The following MGAT4C variants were observed in gnomAD, a reference collection of about 807,000 sequenced individuals.
The protein encoded by MGAT4C is alpha-1,3-mannosyl-glycoprotein 4-beta-N-acetylglucosaminyltransferase C.
Under a neutral mutation model 40.1 loss-of-function variants are expected in MGAT4C, and 19 were observed. The observed-to-expected ratio is 0.47, with a 90% CI of 0.33 to 0.70. MGAT4C has a LOEUF of 0.70. Ranked by LOEUF, MGAT4C falls within the 30% of genes least tolerant of loss-of-function variation. The pLI is 0.02. For synonymous variants in MGAT4C, 181 were observed against 187.1 expected (o/e 0.97, Z 0.27); for missense variants, 491 against 563.2 (o/e 0.87, Z 1.30).
In MGAT4C at chr12:86,009,457, G is replaced by A. The variant is rs1888234262; in HGVS notation, c.-6-19905C>T. Reference sequence around the variant, plus strand: ...TATCTGCTTGTGAATTACAGCCACTGCAGAATCCAAATATCTTAGCTATGT... The same window carrying A: ...TATCTGCTTGTGAATTACAGCCACTACAGAATCCAAATATCTTAGCTATGT... On this transcript the variant is annotated intron_variant, in intron 2 of 4. Coordinates refer to ENST00000611864, the MANE Select transcript of MGAT4C (RefSeq NM_001351288.2). Among the ~76,000 whole-genome samples, 3 of 152,110 alleles carry A rather than the reference G, an allele frequency of 2.0e-5. No homozygotes were observed. In the South Asian group the frequency reaches 6.2e-4, roughly 32 times the overall value.
chr12:86,202,235 G>A (rs555931876), intron 1 of MGAT4C, among the ~76,000 whole-genome samples: 36 of 152,134 alleles, frequency 2.4e-4, no homozygotes, highest in Middle Eastern at 6.8e-3. Context: ...TACATATGAT[G>A]TTAGTTCTAG....
chr12:86,111,451 T>C (rs1446015882), intron 1 of MGAT4C, among the ~76,000 whole-genome samples: 1 of 151,858 alleles, frequency 6.6e-6, no homozygotes, highest in Non-Finnish European at 1.5e-5. Context: ...ATGTTTGAAG[T>C]TATATAAATT....
intron 3 of MGAT4C, among the ~76,000 whole-genome samples, chr12:86,354,193 G>T (rs1376022278): frequency 6.6e-6 from 1 of 151,978 alleles, no homozygotes; most frequent in African/African-American, 2.4e-5. Context: ...ATAGAAGTTG[G>T]GTCATATCAT....
intron 2 of MGAT4C, chr12:86,013,691 C>A: frequency 2.0e-6 from 2 of 981,016 alleles, no homozygotes; most frequent in African/African-American, 3.5e-5. Context: ...CTGAATTTTA[C>A]CTACTGTTTA....
At chr12:86,724,237 C>T (rs548431840) in intron 2 of MGAT4C, among the ~76,000 whole-genome samples, 12 of 152,208 alleles carry the variant, frequency 7.9e-5, no homozygotes, top group African/African-American at 2.6e-4. Context: ...CCCAATGATT[C>T]TTTTAAATTC....
chr12:86,332,453 CAA>C (rs1954691333), intron 4 of MGAT4C, among the ~76,000 whole-genome samples: 1 of 151,758 alleles, frequency 6.6e-6, no homozygotes, highest in South Asian at 2.1e-4. Context: ...CCAAATCTCT[CAA>C]GTCACTCAAG....
At chr12:86,101,898 A>T (rs1875145324) in intron 1 of MGAT4C, among the ~76,000 whole-genome samples, 1 of 151,940 alleles carries the variant, frequency 6.6e-6, no homozygotes, top group Non-Finnish European at 1.5e-5. Flanking sequence ...TTAAATTCCC[A>T]AGTTGAAAAC....
intron 1 of MGAT4C, among the ~76,000 whole-genome samples, chr12:86,727,443 A>G (rs746205838): frequency 1.6e-4 from 24 of 152,120 alleles, no homozygotes; most frequent in Non-Finnish European, 2.9e-4. Context: ...TATAAACATT[A>G]TTTAAAGATG....
chr12:86,741,083 T>C (rs1012518856), intron 1 of MGAT4C, among the ~76,000 whole-genome samples: 2 of 151,046 alleles, frequency 1.3e-5, no homozygotes, highest in African/African-American at 4.8e-5. Flanking sequence ...CTCCCGCTTG[T>C]AAGTGAGAAC....
At chr12:86,339,742 A>G (rs1175244562) in intron 3 of MGAT4C, among the ~76,000 whole-genome samples, 1 of 152,160 alleles carries the variant, frequency 6.6e-6, no homozygotes, top group Non-Finnish European at 1.5e-5. Flanking sequence ...ACACATGCAC[A>G]CACACACACA....
At chr12:86,593,404 C>A (rs1406885605) in intron 2 of MGAT4C, among the ~76,000 whole-genome samples, 1 of 151,914 alleles carries the variant, frequency 6.6e-6, no homozygotes, top group Non-Finnish European at 1.5e-5. Flanking sequence ...ATATTTTCTA[C>A]TCTCTGCTAG....
At chr12:86,381,424 C>A (rs757499088) in intron 3 of MGAT4C, among the ~76,000 whole-genome samples, 1 of 152,086 alleles carries the variant, frequency 6.6e-6, no homozygotes, top group Admixed American at 6.6e-5. Flanking sequence ...GTCTCTGGTG[C>A]AAGTCCTAGA....
At chr12:86,219,533 A>G (rs1950801973) in intron 1 of MGAT4C, among the ~76,000 whole-genome samples, 1 of 152,190 alleles carries the variant, frequency 6.6e-6, no homozygotes, top group Admixed American at 6.5e-5. Context: ...TTCTGTTTGT[A>G]TGGAAGATTT....
chr12:86,534,132 G>A (rs973056052), intron 2 of MGAT4C, among the ~76,000 whole-genome samples: 2 of 151,960 alleles, frequency 1.3e-5, no homozygotes, highest in Non-Finnish European at 2.9e-5. Flanking sequence ...TCCTGATCCA[G>A]AGACAATTCA....
At position 86,703,153 on chromosome 12, in the gene MGAT4C, G is replaced by C. The variant is rs188127297; in HGVS notation, c.-229+24056C>G. ...TCATGATCACACGTAAATAGATGAGGAATTGCTTCTTACGGATGAACAAAG... is the reference window on the plus strand; with the variant it reads ...TCATGATCACACGTAAATAGATGAGCAATTGCTTCTTACGGATGAACAAAG... On this transcript the variant is annotated intron_variant, in intron 2 of 7. Coordinates refer to the MGAT4C transcript ENST00000548651. Among the ~76,000 whole-genome samples the C allele has an allele frequency of 2.6e-5, 4 of 152,208 alleles. No individual in the cohort carries two copies. In the South Asian group the frequency reaches 8.3e-4, roughly 32 times the overall value.
At chr12:86,452,191 T>C (rs748222217) in intron 2 of MGAT4C, among the ~76,000 whole-genome samples, 52 of 152,074 alleles carry the variant, frequency 3.4e-4, no homozygotes, top group Middle Eastern at 3.4e-3. Flanking sequence ...CCATTCTTTT[T>C]TTTTTCTTTT....
At chr12:86,549,388 C>G (rs1959241126) in intron 2 of MGAT4C, among the ~76,000 whole-genome samples, 1 of 152,138 alleles carries the variant, frequency 6.6e-6, no homozygotes, top group African/African-American at 2.4e-5. Flanking sequence ...ATATTTCTGT[C>G]AAAGGCATTT....
chr12:86,652,990 T>C (rs925921772), intron 2 of MGAT4C, among the ~76,000 whole-genome samples: 12 of 151,900 alleles, frequency 7.9e-5, no homozygotes, highest in Non-Finnish European at 1.3e-4. Context: ...ATTATTCTTT[T>C]CTAGAGAAAT....
At chr12:86,529,802 G>T (rs1958948593) in intron 2 of MGAT4C, among the ~76,000 whole-genome samples, 2 of 151,560 alleles carry the variant, frequency 1.3e-5, no homozygotes, top group African/African-American at 4.8e-5. Flanking sequence ...GTAGTCTCTT[G>T]GTATCCATGA....
Sources: gnomAD v4.1 joint callset for allele counts (sites outside exome capture counted in the v4.1 genomes callset) on GRCh38, gnomAD v4.1.1 for gene constraint, MANE v1.5 for transcripts, NCBI Gene and HGNC (gene_info 2026-07-23, HGNC 2026-07-21) for gene names.